Variants in UBE2H observed in about 807,000 individuals in gnomAD.
UBE2H encodes the protein ubiquitin-conjugating enzyme E2 H.
UBE2H carries 3 observed loss-of-function variants against 29.0 expected under a neutral mutation model. That is an observed-to-expected ratio of 0.10 (90% CI 0.05 to 0.27). The LOEUF is 0.27. UBE2H is among the 10% of genes least tolerant of loss of function. The pLI is 1.00. For missense variants in UBE2H, 68 were observed against 228.2 expected (o/e 0.30, Z 4.52); for synonymous variants, 69 against 82.9 (o/e 0.83, Z 0.91).
Position 129,879,429 on chromosome 7 carries a change from T to C in UBE2H, c.205+139A>G, listed in dbSNP as rs922474660. The C allele has an allele frequency of 1.1e-5, 8 of 756,016 alleles. No homozygotes were observed. In the African/African-American group the frequency reaches 1.4e-4, roughly 13 times the overall value. The allele number at this position is 756,016 out of a possible 1,614,324, so 46.8% of individuals were successfully genotyped here. A position where few individuals can be genotyped will look rare whatever the true frequency, so the allele number is the denominator to read the frequency against. ...TATAGAAGTTCCCCCCAAAAGTCAC[T>C]GATTAATTAACCAAAGCCAAAAAAG... On this transcript the variant is annotated intron_variant, in intron 3 of 6. Coordinates refer to ENST00000355621, the MANE Select transcript of UBE2H (RefSeq NM_003344.4).
intron 3 of UBE2H, among the ~76,000 whole-genome samples, chr7:129,863,500 A>C (rs1039430766): frequency 3.9e-5 from 6 of 152,212 alleles, no homozygotes; most frequent in Non-Finnish European, 7.3e-5. Context: ...AGCTCTAAAA[A>C]TCTAGCATTT....
intron 1 of UBE2H, among the ~76,000 whole-genome samples, chr7:129,890,304 T>TATAC (rs1806453315): frequency 6.6e-6 from 1 of 151,772 alleles, no homozygotes; most frequent in Non-Finnish European, 1.5e-5. Flanking sequence ...TATGTATACA[T>TATAC]ACGTGTATAT....
intron 3 of UBE2H, among the ~76,000 whole-genome samples, chr7:129,867,699 T>TAAAAAAAAAAA (rs59742626): frequency 1.3e-4 from 4 of 29,640 alleles, no homozygotes; most frequent in Non-Finnish European, 1.7e-4. Context: ...TAGAGTATAA[T>TAAAAAAAAAAA]AAAAAAAAAA....
At chr7:129,886,903 T>A (rs966513336) in intron 1 of UBE2H, among the ~76,000 whole-genome samples, 9 of 151,938 alleles carry the variant, frequency 5.9e-5, no homozygotes, top group Middle Eastern at 3.4e-3. Context: ...AAATATTTAC[T>A]AATAAAAATG....
intron 1 of UBE2H, among the ~76,000 whole-genome samples, chr7:129,939,263 C>A (rs1807594444): frequency 6.6e-6 from 1 of 152,130 alleles, no homozygotes; most frequent in African/African-American, 2.4e-5. Flanking sequence ...TACACTACAG[C>A]CTTGGACTCA....
At chr7:129,848,436 A>G (rs1055030183) in intron 5 of UBE2H, among the ~76,000 whole-genome samples, 8 of 152,354 alleles carry the variant, frequency 5.3e-5, no homozygotes, top group South Asian at 2.1e-4. Flanking sequence ...CTGTAATTCA[A>G]TAAGGAACAG....
At chr7:129,865,784 T>C (rs918417514) in intron 3 of UBE2H, among the ~76,000 whole-genome samples, 1 of 152,266 alleles carries the variant, frequency 6.6e-6, no homozygotes, top group African/African-American at 2.4e-5. Flanking sequence ...TGATTAATTC[T>C]ATTTTTTCAG....
chr7:129,910,677 T>C (rs1806916958), intron 1 of UBE2H, among the ~76,000 whole-genome samples: 1 of 150,766 alleles, frequency 6.6e-6, no homozygotes. Context: ...AGGTCTGGAG[T>C]TCAAGACCAG....
At chr7:129,904,229 C>A (rs1238668756) in intron 1 of UBE2H, among the ~76,000 whole-genome samples, 1 of 152,142 alleles carries the variant, frequency 6.6e-6, no homozygotes, top group African/African-American at 2.4e-5. Flanking sequence ...TTCTGCCCAG[C>A]CCTGATTTCC....
chr7:129,936,020 C>T (rs1347363276), intron 1 of UBE2H, among the ~76,000 whole-genome samples: 2 of 152,106 alleles, frequency 1.3e-5, no homozygotes, highest in Admixed American at 1.3e-4. Flanking sequence ...GGAAAGCCAC[C>T]ATTGCTTTGT....
At chr7:129,932,735 T>C (rs946911862) in intron 1 of UBE2H, among the ~76,000 whole-genome samples, 23 of 142,562 alleles carry the variant, frequency 1.6e-4, no homozygotes, top group Non-Finnish European at 2.4e-4. Context: ...GATCACGCCA[T>C]TGCACTCCAG....
Position 129,833,205 on chromosome 7 carries a change from T to C in UBE2H, c.*1732A>G, listed in dbSNP as rs1294737880. On this transcript the variant is annotated 3_prime_UTR_variant, in exon 7 of 7. Coordinates refer to ENST00000355621, the MANE Select transcript of UBE2H (RefSeq NM_003344.4). ...AAATAATCATGCTAAAAGCAAGTTG[T>C]ACTTTATATAGATTTTCAAACAAAA... 6.6e-6 allele frequency: 1 copy of C among 152,580 alleles called. No homozygotes were observed. The highest frequency in any genetic ancestry group is 2.4e-5 in the African/African-American group (1 of 41,424). 9.5% of individuals were successfully genotyped at this position (152,580 alleles called of 1,614,324 possible).
chr7:129,928,316 C>T (rs892368865), intron 1 of UBE2H, among the ~76,000 whole-genome samples: 1 of 151,532 alleles, frequency 6.6e-6, no homozygotes, highest in African/African-American at 2.4e-5. Context: ...ACAAACACAA[C>T]TTATGGCCAG....
chr7:129,903,605 T>A (rs1475336988), intron 1 of UBE2H, among the ~76,000 whole-genome samples: 1 of 151,984 alleles, frequency 6.6e-6, no homozygotes, highest in Non-Finnish European at 1.5e-5. Context: ...TCTACAAAAA[T>A]TTTAAAACTA....
intron 1 of UBE2H, among the ~76,000 whole-genome samples, chr7:129,893,293 G>A (rs1806538562): frequency 6.6e-6 from 1 of 152,052 alleles, no homozygotes; most frequent in Non-Finnish European, 1.5e-5. Context: ...ACTTAAATAG[G>A]AAAATCATCA....
chr7:129,923,226 G>T (rs1355607003), intron 1 of UBE2H, among the ~76,000 whole-genome samples: 1 of 152,086 alleles, frequency 6.6e-6, no homozygotes, highest in Non-Finnish European at 1.5e-5. Context: ...CCATTATTAT[G>T]CAATTCAATC....
chr7:129,900,623 AT>A lies in UBE2H; in HGVS notation c.54-19653del, dbSNP rs547670114. Among the ~76,000 whole-genome samples, 20 of 151,652 alleles carry A rather than the reference AT, an allele frequency of 1.3e-4. No homozygotes were observed. The East Asian group carries it at 2.1e-3, about 16-fold the overall frequency. On this transcript the variant is annotated intron_variant, in intron 1 of 6. Coordinates refer to ENST00000355621, the MANE Select transcript of UBE2H (RefSeq NM_003344.4). The stretch of plus-strand genomic sequence containing the variant: ...TAGAGATTATATTATGACCATGTAA[AT>A]TTTTTTTTATTATACTTTAAGTTTT...
chr7:129,837,756 T>C (rs1004495101), intron 6 of UBE2H, among the ~76,000 whole-genome samples: 1 of 151,932 alleles, frequency 6.6e-6, no homozygotes, highest in Non-Finnish European at 1.5e-5. Context: ...CAAGGCACAG[T>C]AGGAAGTGGG....
intron 5 of UBE2H, among the ~76,000 whole-genome samples, chr7:129,853,488 C>T (rs548904493): frequency 6.6e-6 from 1 of 152,294 alleles, no homozygotes; most frequent in East Asian, 1.9e-4. Context: ...AATGTCATAA[C>T]AATAACAATA....
Sources: allele counts gnomAD v4.1 joint callset (sites outside exome capture counted in the v4.1 genomes callset), GRCh38; gene constraint gnomAD v4.1.1; transcripts MANE v1.5; gene names NCBI Gene and HGNC (gene_info 2026-07-23, HGNC 2026-07-21).